CENPH: variants seen among roughly 807,000 people sequenced by gnomAD.
CENPH encodes CENP-H.
CENPH carries 40 observed loss-of-function variants against 42.9 expected under a neutral mutation model. The ratio of observed to expected loss-of-function variants is 0.93; its 90% confidence interval spans 0.72 to 1.21. CENPH has a LOEUF of 1.21. Among genes scored for constraint, CENPH ranks in the 50% most tolerant of loss-of-function variants. The probability of loss-of-function intolerance (pLI) is 0.00; values close to 1 mark genes in which losing one functional copy is unlikely to be tolerated. For synonymous variants in CENPH, 88 were observed against 96.5 expected (o/e 0.91, Z 0.52); for missense variants, 302 against 292.9 (o/e 1.03, Z -0.23).
intron 2 of CENPH, among the ~76,000 whole-genome samples, chr5:69,193,375 T>C (rs140973889): frequency 1.3e-5 from 2 of 149,792 alleles, no homozygotes; most frequent in East Asian, 3.9e-4. Context: ...TGGATCAATC[T>C]GTAATCCCAG....
At chr5:69,196,129 G>A (rs1165419584) in intron 4 of CENPH, among the ~76,000 whole-genome samples, 1 of 151,910 alleles carries the variant, frequency 6.6e-6, no homozygotes, top group African/African-American at 2.4e-5. Flanking sequence ...TTATGGAGAT[G>A]GGGTCTCACT....
At chr5:69,195,552 A>G (rs1476426821) in intron 3 of CENPH, among the ~76,000 whole-genome samples, 165 bp from the exon 4 acceptor site, 6 of 152,210 alleles carry the variant, frequency 3.9e-5, no homozygotes, top group East Asian at 1.9e-4. Flanking sequence ...GCTGAGGGGC[A>G]TTAGTTTACC....
In CENPH at chr5:69,189,712, G is replaced by C. The variant is rs781044760; in HGVS notation, c.78G>C (p.Pro26=). The change falls in exon 1 of 9, where the codon CCG becomes CCC. Residue 26 remains proline, a synonymous_variant. Coordinates refer to ENST00000283006, the MANE Select transcript of CENPH (RefSeq NM_022909.4). ...GGGAAGGCCGGGCAGGCGGGCCACC[G>C]CAGGTCGCCGGCGCCCAGGCGGCGT... is the stretch of plus-strand genomic sequence containing the variant. The part of the protein sequence containing the change: ...SGGEGRAGGP[P]QVAGAQAACS... 16 of 1,565,700 alleles carry C rather than the reference G, an allele frequency of 1.0e-5. 1 individual carries two copies. Among genetic ancestry groups the C allele is most frequent in the Non-Finnish European group, 1.1e-5 (13 of 1,158,816 alleles).
intron 6 of CENPH, 111 bp downstream of exon 6, chr5:69,202,680 T>C: frequency 2.7e-6 from 2 of 737,480 alleles, no homozygotes; most frequent in Non-Finnish European, 2.3e-6. Context: ...AATGCTATGA[T>C]TGGAATTCGC....
intron 7 of CENPH, among the ~76,000 whole-genome samples, chr5:69,205,075 C>G (rs1265863426): frequency 6.6e-6 from 1 of 151,172 alleles, no homozygotes; most frequent in South Asian, 2.1e-4. Flanking sequence ...CCCGCCACCA[C>G]GCCCAGCTAA....
chr5:69,202,494 T>C lies in CENPH; in HGVS notation c.372-12T>C. On this transcript the variant is annotated splice_polypyrimidine_tract_variant and intron_variant, in intron 5 of 8. Coordinates refer to ENST00000283006, the MANE Select transcript of CENPH (RefSeq NM_022909.4). ...ATAACCTTAATAAATCATCTTTTTG[T>C]TTCCTTTTCAGTGTGCTCATGGATA... The C allele has an allele frequency of 6.8e-7, 1 of 1,465,012 alleles. No individual in the cohort carries two copies. The highest frequency in any genetic ancestry group is 9.4e-7 in the Non-Finnish European group (1 of 1,059,144). The allele number at this position is 1,465,012 out of a possible 1,614,324, so 90.8% of individuals were successfully genotyped here.
At chr5:69,197,155 T>A in intron 5 of CENPH, 46 bp downstream of exon 5, 1 of 1,184,824 alleles carries the variant, frequency 8.4e-7, no homozygotes, top group Admixed American at 2.7e-5. Context: ...GGGATCTGCA[T>A]AGTGACTTTA....
chr5:69,195,810 A>AT lies in CENPH; in HGVS notation c.314+20dup, dbSNP rs752987588. ...TAGACAGGTAATTATTACATTTTAAATATAAGCATTGTGAACTGACTGCAA... is the reference window on the plus strand; with the variant it reads ...TAGACAGGTAATTATTACATTTTAAATTATAAGCATTGTGAACTGACTGCAA... On this transcript the variant is annotated intron_variant, in intron 4 of 8. Coordinates refer to ENST00000283006, the MANE Select transcript of CENPH (RefSeq NM_022909.4). The AT allele has an allele frequency of 4.7e-6, 6 of 1,273,222 alleles. No individual in the cohort carries two copies. Among genetic ancestry groups the AT allele is most frequent in the Non-Finnish European group, 6.7e-6 (6 of 891,850 alleles). The allele number at this position is 1,273,222 out of a possible 1,614,324, so 78.9% of individuals were successfully genotyped here. A position where few individuals can be genotyped will look rare whatever the true frequency, so the allele number is the denominator to read the frequency against.
intron 1 of CENPH, among the ~76,000 whole-genome samples, chr5:69,190,891 CAA>C (rs922598225): frequency 7.2e-6 from 1 of 138,560 alleles, no homozygotes; most frequent in Non-Finnish European, 1.6e-5. Context: ...ACTCTTGACT[CAA>C]AAAAAAAAAA....
intron 7 of CENPH, among the ~76,000 whole-genome samples, chr5:69,204,606 T>TC (rs1748118636): frequency 7.9e-6 from 1 of 126,456 alleles, no homozygotes; most frequent in South Asian, 3.0e-4. Context: ...TCTTTTTTTT[T>TC]TTTTTTTTTT....
At chr5:69,202,374 C>A in intron 5 of CENPH, 132 bp from the exon 6 acceptor site, 1 of 537,752 alleles carries the variant, frequency 1.9e-6, no homozygotes, top group South Asian at 2.4e-5. Flanking sequence ...GTTAAACTGA[C>A]TTTTTATCCA....
intron 3 of CENPH, among the ~76,000 whole-genome samples, 164 bp downstream of exon 3, chr5:69,194,859 G>A (rs1399474171): frequency 6.6e-6 from 1 of 151,576 alleles, no homozygotes; most frequent in African/African-American, 2.4e-5. Flanking sequence ...GGATCCACTG[G>A]CCTCAGCCTC....
intron 7 of CENPH, among the ~76,000 whole-genome samples, chr5:69,203,838 C>T (rs1748097864): frequency 1.3e-5 from 2 of 151,178 alleles, no homozygotes; most frequent in Admixed American, 1.3e-4. Context: ...AAAATTAATA[C>T]ATTCTCAGAA....
intron 7 of CENPH, among the ~76,000 whole-genome samples, chr5:69,205,229 GT>G (rs1748132674): frequency 1.4e-5 from 2 of 145,630 alleles, no homozygotes; most frequent in Admixed American, 1.4e-4. Flanking sequence ...ACCTTTTTTT[GT>G]TTGTTTGTTT....
intron 2 of CENPH, among the ~76,000 whole-genome samples, chr5:69,193,130 TACAC>T (rs762159038): frequency 6.6e-6 from 1 of 151,318 alleles, no homozygotes; most frequent in African/African-American, 2.4e-5. Flanking sequence ...TATATATATA[TACAC>T]ACACACATAT....
intron 2 of CENPH, among the ~76,000 whole-genome samples, chr5:69,192,631 G>A (rs1385622418): frequency 6.6e-6 from 1 of 152,044 alleles, no homozygotes; most frequent in Non-Finnish European, 1.5e-5. Flanking sequence ...TAAAAAAAAC[G>A]TAGCCAGATA....
chr5:69,201,151 G>A (rs564946106), intron 5 of CENPH, among the ~76,000 whole-genome samples: 2 of 152,170 alleles, frequency 1.3e-5, no homozygotes, highest in South Asian at 4.1e-4. Context: ...TGAAGGTCAG[G>A]AACTAGGAAT....
intron 3 of CENPH, among the ~76,000 whole-genome samples, chr5:69,194,957 C>T (rs930086858): frequency 1.0e-4 from 15 of 150,026 alleles, no homozygotes; most frequent in African/African-American, 3.4e-4. Flanking sequence ...GGGCCAGGCA[C>T]GGTGACTCAT....
chr5:69,200,337 C>G (rs184819893), intron 5 of CENPH, among the ~76,000 whole-genome samples: 34 of 152,220 alleles, frequency 2.2e-4, no homozygotes, highest in Non-Finnish European at 4.0e-4. Context: ...AAACTGCCAA[C>G]TAACTTCTAA....
Sources: gnomAD v4.1 joint callset for allele counts (sites outside exome capture counted in the v4.1 genomes callset) on GRCh38, gnomAD v4.1.1 for gene constraint, MANE v1.5 for transcripts, NCBI Gene and HGNC (gene_info 2026-07-23, HGNC 2026-07-21) for gene names.